The following PHYHIPL variants were observed in gnomAD, a reference collection of about 807,000 sequenced individuals.
PHYHIPL encodes phytanoyl-CoA hydroxylase-interacting protein-like.
Under a neutral mutation model 33.4 loss-of-function variants are expected in PHYHIPL, and 9 were observed. That is an observed-to-expected ratio of 0.27 (90% CI 0.16 to 0.47). PHYHIPL has a LOEUF of 0.47. Ranked by LOEUF, PHYHIPL falls within the 20% of genes least tolerant of loss-of-function variation. PHYHIPL has a pLI of 0.99. For synonymous variants in PHYHIPL, 153 were observed against 154.1 expected (o/e 0.99, Z 0.05); for missense variants, 365 against 460.7 (o/e 0.79, Z 1.90).
intron 1 of PHYHIPL, among the ~76,000 whole-genome samples, chr10:59,196,411 C>T (rs1251316740): frequency 6.7e-6 from 1 of 148,306 alleles, no homozygotes; most frequent in Non-Finnish European, 1.5e-5. Context: ...AGTACACTGT[C>T]AACATTTTTT....
Position 59,188,402 on chromosome 10 carries a change from G to T in PHYHIPL, c.106+11443G>T, listed in dbSNP as rs527889190. Among the ~76,000 whole-genome samples, 11 of 152,200 alleles carry T rather than the reference G, an allele frequency of 7.2e-5. No individual in the cohort carries two copies. In the South Asian group the frequency reaches 2.3e-3, roughly 32 times the overall value. ...TACTTCCAACTATGTGGTTAATTTT[G>T]GAATAGGTGCGGTGTGGTGCTGAAA... On this transcript the variant is annotated intron_variant, in intron 1 of 4. Transcript: ENST00000373880.
chr10:59,206,000 G>A (rs1400675064), intron 1 of PHYHIPL, among the ~76,000 whole-genome samples: 2 of 152,084 alleles, frequency 1.3e-5, no homozygotes, highest in Non-Finnish European at 2.9e-5. Context: ...GTAATTCTTG[G>A]CATTACTTTG....
intron 1 of PHYHIPL, among the ~76,000 whole-genome samples, chr10:59,187,218 T>TA (rs1367993260): frequency 1.3e-5 from 2 of 152,246 alleles, no homozygotes; most frequent in African/African-American, 4.8e-5. Context: ...TCTATTGAGA[T>TA]AATCATGTGG....
chr10:59,186,535 G>C (rs1299539759), intron 1 of PHYHIPL, among the ~76,000 whole-genome samples: 2 of 152,198 alleles, frequency 1.3e-5, no homozygotes, highest in Middle Eastern at 3.4e-3. Flanking sequence ...GGATGGCATT[G>C]AATCTATAAA....
chr10:59,208,375 T>G (rs1839349563), intron 1 of PHYHIPL, among the ~76,000 whole-genome samples: 1 of 151,946 alleles, frequency 6.6e-6, no homozygotes, highest in African/African-American at 2.4e-5. Flanking sequence ...AGGAATAGCG[T>G]CAACTTCAAC....
intron 1 of PHYHIPL, among the ~76,000 whole-genome samples, chr10:59,191,904 A>G (rs1005751555): frequency 1.3e-5 from 2 of 151,938 alleles, no homozygotes; most frequent in Non-Finnish European, 2.9e-5. Flanking sequence ...CTTTATCAGA[A>G]TACAATTAGA....
chr10:59,200,682 G>A (rs1379282738), intron 1 of PHYHIPL, among the ~76,000 whole-genome samples: 2 of 152,080 alleles, frequency 1.3e-5, no homozygotes, highest in Non-Finnish European at 2.9e-5. Context: ...GAATCCATCT[G>A]GTCCTGGACT....
At chr10:59,190,829 A>T (rs1564702697) in intron 1 of PHYHIPL, among the ~76,000 whole-genome samples, 1 of 151,908 alleles carries the variant, frequency 6.6e-6, no homozygotes, top group African/African-American at 2.4e-5. Flanking sequence ...TTGGTATGAA[A>T]AATGAGCTTT....
chr10:59,211,093 A>G (rs1431511863), intron 1 of PHYHIPL, among the ~76,000 whole-genome samples: 1 of 152,040 alleles, frequency 6.6e-6, no homozygotes, highest in Admixed American at 6.6e-5. Context: ...ATAAGGCCTG[A>G]TATGGTGGCT....
At chr10:59,225,577 A>G (rs1301710471) in intron 1 of PHYHIPL, among the ~76,000 whole-genome samples, 1 of 152,210 alleles carries the variant, frequency 6.6e-6, no homozygotes, top group African/African-American at 2.4e-5. Context: ...TAACTGGAAG[A>G]AAAAGTCAGA....
intron 1 of PHYHIPL, among the ~76,000 whole-genome samples, chr10:59,212,291 G>A (rs915081427): frequency 6.6e-6 from 1 of 152,144 alleles, no homozygotes; most frequent in African/African-American, 2.4e-5. Context: ...TCTGTTATAA[G>A]CAACAGAAAA....
rs1461219424 is a variant in PHYHIPL, at chr10:59,236,515, TC to T, written c.339del (p.Leu114CysfsTer3). The T allele has an allele frequency of 3.1e-6, 5 of 1,604,282 alleles. No homozygotes were observed. Among genetic ancestry groups the T allele is most frequent in the African/African-American group, 2.7e-5 (2 of 74,168 alleles). On this transcript the variant is annotated frameshift_variant, in exon 3 of 5. Transcript: ENST00000373880. LOFTEE classifies it high-confidence loss of function. ...VPTKLVAKAVPLPMTVRGHWF... is the reference protein window; with the variant it reads ...VPTKLVAKAVXLPMTVRGHWF... Reference sequence around the variant, plus strand: ...CCACAAAATTGGTGGCAAAAGCTGTTCCCTTGCCTATGACTGTCCGTGGACA... The same window carrying T: ...CCACAAAATTGGTGGCAAAAGCTGTTCCTTGCCTATGACTGTCCGTGGACA...
chr10:59,209,951 T>G (rs1289025272), intron 1 of PHYHIPL, among the ~76,000 whole-genome samples: 2 of 152,166 alleles, frequency 1.3e-5, no homozygotes, highest in Non-Finnish European at 2.9e-5. Flanking sequence ...AAGACTTAAA[T>G]GTAAGACCTA....
rs1218878957 is a variant in PHYHIPL, at chr10:59,234,290, T to C, written c.107-14T>C. 2.6e-6 allele frequency: 4 copies of C among 1,531,884 alleles called. No homozygotes were observed. The highest frequency in any genetic ancestry group is 3.5e-6 in the Non-Finnish European group (4 of 1,150,426). 94.9% of individuals were successfully genotyped at this position (1,531,884 alleles called of 1,614,324 possible). ...TAATTGGAAATTAACTTCCTGTGCA[T>C]TGTTTTCTTGCAGGGAACAAATCAC... On this transcript the variant is annotated splice_polypyrimidine_tract_variant and intron_variant, in intron 1 of 4. Transcript: ENST00000373880.
intron 1 of PHYHIPL, among the ~76,000 whole-genome samples, chr10:59,226,505 G>A (rs1839928429): frequency 6.6e-6 from 1 of 152,080 alleles, no homozygotes; most frequent in Non-Finnish European, 1.5e-5. Flanking sequence ...GGTTGTGGTG[G>A]TGGTGGTGGT....
chr10:59,245,139 G>T lies in PHYHIPL; in HGVS notation c.679G>T (p.Gly227Cys), dbSNP rs1486084824. ...CTCTCCTATCAGTGGAAAATTAGAA[G>T]GCATCTTCTTCAGCTGCAGCACTGA... ...HGSPISGKLE[G>C]IFFSCSTEFN... Residue 227 changes from glycine (G) to cysteine (C), a missense_variant, in exon 5 of 5, where the codon GGC (glycine) becomes TGC (cysteine). This residue lies in a region of PHYHIPL where 196 missense variants were observed against 224.9 expected (regional missense o/e 0.87). Transcript: ENST00000373880. 6.2e-7 allele frequency: 1 copy of T among 1,614,078 alleles called. No homozygotes were observed. Among genetic ancestry groups the T allele is most frequent in the Admixed American group, 1.7e-5 (1 of 60,018 alleles).
chr10:59,228,403 T>C (rs944199737), intron 1 of PHYHIPL, among the ~76,000 whole-genome samples: 2 of 152,186 alleles, frequency 1.3e-5, no homozygotes, highest in Non-Finnish European at 2.9e-5. Flanking sequence ...TGAGAGTTTA[T>C]TGTAAAGCAG....
At chr10:59,242,857 GAAC>G (rs1200268146) in intron 4 of PHYHIPL, among the ~76,000 whole-genome samples, 1 of 152,020 alleles carries the variant, frequency 6.6e-6, no homozygotes. Flanking sequence ...TACGCAAATT[GAAC>G]AACAGAGATA....
At chr10:59,196,917 C>T (rs990176619) in intron 1 of PHYHIPL, among the ~76,000 whole-genome samples, 29 of 152,120 alleles carry the variant, frequency 1.9e-4, no homozygotes, top group Admixed American at 4.6e-4. Context: ...TTCTTAAATG[C>T]GTATTTTAAC....
Sources: gnomAD v4.1 joint callset for allele counts (sites outside exome capture counted in the v4.1 genomes callset) on GRCh38, gnomAD v4.1.1 for gene constraint, gnomAD v4.1.1 regional missense constraint, MANE v1.5 for transcripts, NCBI Gene and HGNC (gene_info 2026-07-23, HGNC 2026-07-21) for gene names.